Variants in TMEM71 observed in about 807,000 individuals in gnomAD.
TMEM71 encodes transmembrane protein 71.
In TMEM71, 44 loss-of-function variants were observed where a neutral mutation model predicts 38.0. That is an observed-to-expected ratio of 1.16 (90% CI 0.91 to 1.49). TMEM71 has a LOEUF of 1.49. Among genes scored for constraint, TMEM71 ranks in the 40% most tolerant of loss-of-function variants. TMEM71 has a pLI of 0.00. For synonymous variants in TMEM71, 133 were observed against 122.5 expected, an observed-to-expected ratio of 1.09 and a Z score of -0.56; for missense variants, 367 against 348.6, an observed-to-expected ratio of 1.05 and a Z score of -0.42.
intron 5 of TMEM71, among the ~76,000 whole-genome samples, chr8:132,742,643 G>A (rs1828108186): frequency 6.6e-6 from 1 of 152,232 alleles, no homozygotes; most frequent in Non-Finnish European, 1.5e-5. Flanking sequence ...GTTTAGTACA[G>A]TGGCTGGCAC....
chr8:132,718,132 T>C (rs567027002), intron 7 of TMEM71, among the ~76,000 whole-genome samples: 1 of 152,300 alleles, frequency 6.6e-6, no homozygotes, highest in South Asian at 2.1e-4. Flanking sequence ...GGTTTCTTTT[T>C]TCAGTGATGC....
At chr8:132,754,511 A>G (rs2467987) in intron 3 of TMEM71, among the ~76,000 whole-genome samples, 45,074 of 151,958 alleles carry the variant, frequency 0.3, 6,886 homozygotes, top group Non-Finnish European at 0.33. Flanking sequence ...TGTTGTTGTT[A>G]TTGTTGTTGT....
downstream of TMEM71, among the ~76,000 whole-genome samples, chr8:132,708,011 C>T (rs544629226): frequency 6.6e-6 from 1 of 152,242 alleles, no homozygotes; most frequent in African/African-American, 2.4e-5. Flanking sequence ...ATAAATGAAA[C>T]TATAAAATCA....
chr8:132,763,722 T>C (rs1007877629), upstream of TMEM71, among the ~76,000 whole-genome samples: 1 of 152,192 alleles, frequency 6.6e-6, no homozygotes, highest in African/African-American at 2.4e-5. Flanking sequence ...GTTCCAGAGC[T>C]ATGTGTTGCA....
chr8:132,723,432 T>G (rs1299950255), intron 6 of TMEM71, among the ~76,000 whole-genome samples: 3 of 152,250 alleles, frequency 2.0e-5, no homozygotes, highest in Non-Finnish European at 4.4e-5. Flanking sequence ...GAATTATTCA[T>G]GGATTCCTTC....
intron 7 of TMEM71, among the ~76,000 whole-genome samples, chr8:132,717,680 T>C (rs1296401336): frequency 6.6e-6 from 1 of 152,130 alleles, no homozygotes; most frequent in Non-Finnish European, 1.5e-5. Flanking sequence ...TTGGAAAACG[T>C]TTCAGCAGTT....
At chr8:132,772,953 A>G in the TMEM71 span, among the ~76,000 whole-genome samples, 3 of 152,226 alleles carry the variant, frequency 2.0e-5, no homozygotes, top group African/African-American at 7.2e-5. Context: ...GATAATGTTC[A>G]GAAAAAAGGT....
At chr8:132,736,551 C>A (rs987215853) in intron 5 of TMEM71, among the ~76,000 whole-genome samples, 2 of 152,102 alleles carry the variant, frequency 1.3e-5, no homozygotes, top group African/African-American at 4.8e-5. Flanking sequence ...AGGAGAGGGC[C>A]AGGCATGGTG....
the TMEM71 span, among the ~76,000 whole-genome samples, chr8:132,771,171 C>A: frequency 6.6e-6 from 1 of 152,148 alleles, no homozygotes; most frequent in Non-Finnish European, 1.5e-5. Context: ...TTACTAATTT[C>A]TCATGATTAT....
At chr8:132,748,825 T>G (rs886444468) in intron 4 of TMEM71, among the ~76,000 whole-genome samples, 1 of 152,200 alleles carries the variant, frequency 6.6e-6, no homozygotes, top group African/African-American at 2.4e-5. Context: ...AAGTGGTGTT[T>G]CAAAACTGAT....
At chr8:132,766,149 T>C in the TMEM71 span, among the ~76,000 whole-genome samples, 1 of 152,144 alleles carries the variant, frequency 6.6e-6, no homozygotes, top group Non-Finnish European at 1.5e-5. Flanking sequence ...TGTGCCATCA[T>C]TCCTGGAGGC....
intron 9 of TMEM71, among the ~76,000 whole-genome samples, chr8:132,712,458 G>GC (rs1284906363): frequency 6.6e-6 from 1 of 152,066 alleles, no homozygotes; most frequent in Non-Finnish European, 1.5e-5. Flanking sequence ...CTTCCAGGAG[G>GC]CCCTCCCTGA....
Position 132,746,937 on chromosome 8 carries a change from C to G in TMEM71, c.487+5G>C. The G allele has an allele frequency of 3.8e-6, 6 of 1,579,272 alleles. No individual in the cohort carries two copies. The highest frequency in any genetic ancestry group is 5.1e-6 in the Non-Finnish European group (6 of 1,165,706). ...TTTACTATGGAAAGGAGGACTCAAA[C>G]TCACCATTTCCATTGCAATGGTCTG... On this transcript the variant is annotated splice_donor_5th_base_variant and intron_variant, in intron 5 of 9. Transcript: ENST00000677595.
At chr8:132,757,113 G>C in intron 3 of TMEM71, 121 bp downstream of exon 3, 1 of 520,182 alleles carries the variant, frequency 1.9e-6, no homozygotes, top group Non-Finnish European at 3.6e-6. Flanking sequence ...AGCCAGGATG[G>C]TCTCCATCTC....
At chr8:132,735,454 C>T (rs1489910747) in intron 5 of TMEM71, among the ~76,000 whole-genome samples, 3 of 152,096 alleles carry the variant, frequency 2.0e-5, no homozygotes, top group African/African-American at 7.2e-5. Context: ...ATAAAAGTCA[C>T]GGGGCCTTGG....
intron 5 of TMEM71, among the ~76,000 whole-genome samples, chr8:132,729,670 G>T (rs10283262): frequency 0.037 from 5,648 of 152,252 alleles, 350 homozygotes; most frequent in African/African-American, 0.13. Flanking sequence ...GGACAAAGCT[G>T]CCAAAAGGGG....
chr8:132,725,962 T>C (rs1827120341), intron 6 of TMEM71, among the ~76,000 whole-genome samples: 2 of 152,200 alleles, frequency 1.3e-5, no homozygotes, highest in South Asian at 4.1e-4. Context: ...TTCTTATGTG[T>C]AAAATGGAGG....
chr8:132,707,071 T>C (rs765523828), downstream of TMEM71, among the ~76,000 whole-genome samples: 16 of 152,140 alleles, frequency 1.1e-4, no homozygotes, highest in Non-Finnish European at 2.1e-4. Flanking sequence ...TGGAGTAAAG[T>C]CTACAAGACA....
intron 4 of TMEM71, among the ~76,000 whole-genome samples, 178 bp from the exon 5 acceptor site, chr8:132,747,292 G>A (rs1158450259): frequency 6.6e-6 from 1 of 152,060 alleles, no homozygotes; most frequent in Admixed American, 6.6e-5. Flanking sequence ...AGAGTACTGA[G>A]GTAAAAGACA....
Sources: gnomAD v4.1 joint callset for allele counts (sites outside exome capture counted in the v4.1 genomes callset) on GRCh38, gnomAD v4.1.1 for gene constraint, MANE v1.5 for transcripts, NCBI Gene and HGNC (gene_info 2026-07-23, HGNC 2026-07-21) for gene names.